The following ABCA10 variants were observed in gnomAD, a reference collection of about 807,000 sequenced individuals.
ABCA10 encodes the protein ATP-binding cassette sub-family A member 10.
ABCA10 carries 169 observed loss-of-function variants against 187.5 expected under a neutral mutation model. That is an observed-to-expected ratio of 0.90 (90% CI 0.80 to 1.02). The LOEUF (loss-of-function observed/expected upper bound fraction) is 1.02. Ranked by LOEUF, ABCA10 falls within the 50% of genes least tolerant of loss-of-function variation. ABCA10 has a pLI of 0.00. For synonymous variants in ABCA10, 574 were observed against 601.8 expected (o/e 0.95, Z 0.68); for missense variants, 1,727 against 1,812.4 (o/e 0.95, Z 0.86).
chr17:69,166,882 C>T (rs935681368), intron 25 of ABCA10, among the ~76,000 whole-genome samples: 1 of 152,122 alleles, frequency 6.6e-6, no homozygotes, highest in African/African-American at 2.4e-5. Context: ...TAGTAGAAAA[C>T]AGAATCAAGC....
At chr17:69,204,883 C>G (rs2074579667) in intron 9 of ABCA10, among the ~76,000 whole-genome samples, 1 of 152,224 alleles carries the variant, frequency 6.6e-6, no homozygotes, top group Non-Finnish European at 1.5e-5. Context: ...AATCCCAGCA[C>G]TTTGGGAGAC....
intron 3 of ABCA10, 57 bp from the exon 4 acceptor site, chr17:69,222,754 C>A (rs2074760731): frequency 5.6e-6 from 8 of 1,428,980 alleles, no homozygotes; most frequent in African/African-American, 1.5e-5. Flanking sequence ...CTAGAGGACA[C>A]AAAAACAAAA....
intron 23 of ABCA10, among the ~76,000 whole-genome samples, chr17:69,175,099 T>C (rs1022742407): frequency 2.0e-5 from 3 of 152,150 alleles, no homozygotes; most frequent in African/African-American, 7.2e-5. Context: ...CATGCTATAG[T>C]TAAAAATCTA....
chr17:69,187,751 G>A lies in ABCA10; in HGVS notation c.2260C>T (p.Arg754Ter), dbSNP rs190646470. 227 of 1,613,816 alleles carry A rather than the reference G, an allele frequency of 1.4e-4. No individual in the cohort carries two copies. The East Asian group carries it at 4.1e-3, about 29-fold the overall frequency. The change falls in exon 19 of 39, where the codon CGA becomes TGA. Residue 754 changes from arginine to a stop codon, truncating the protein, a stop_gained. Coordinates refer to ENST00000690296, the MANE Select transcript of ABCA10 (RefSeq NM_001377321.1). LOFTEE classifies it high-confidence loss of function. ...AGTGTTGCCACTGCATAGATTTGTC[G>A]TCTCCAGAGAGCTGCACTACTGACA... ...KAVSSAALWR[R>*]QIYAVATLRF...
intron 20 of ABCA10, 94 bp from the exon 21 acceptor site, chr17:69,182,902 A>G: frequency 6.9e-7 from 1 of 1,458,920 alleles, no homozygotes; most frequent in Non-Finnish European, 9.2e-7. Flanking sequence ...CAATCGTGTT[A>G]AGAAAAACCC....
In ABCA10 at chr17:69,216,295, G is replaced by T; in HGVS notation, c.594C>A (p.Val198=). 3 of 1,613,392 alleles carry T rather than the reference G, an allele frequency of 1.9e-6. No individual in the cohort carries two copies. The South Asian group carries it at 3.3e-5, about 18-fold the overall frequency. The part of the protein sequence containing the change: ...IFIMSIFMAL[V]ITSIPIVFHT... ...GAAATACAATTGGGATTGATGTTAT[G>T]ACCAGAGCCATAAAAATGGACATAA... The change falls in exon 7 of 39, where the codon GTC becomes GTA. Residue 198 remains valine (V), a synonymous_variant. Transcript: ENST00000690296.
intron 9 of ABCA10, among the ~76,000 whole-genome samples, chr17:69,213,743 T>C (rs1195868049): frequency 6.6e-6 from 1 of 152,146 alleles, no homozygotes; most frequent in Non-Finnish European, 1.5e-5. Flanking sequence ...AGTACCTACA[T>C]TTCCTGTTCA....
At chr17:69,174,559 T>C (rs759205776) in intron 24 of ABCA10, 48 bp downstream of exon 24, 2 of 1,504,360 alleles carry the variant, frequency 1.3e-6, no homozygotes, top group East Asian at 2.3e-5. Flanking sequence ...TGAATTTTCA[T>C]TTTGATTCTA....
At chr17:69,244,629 G>A (rs1057022606) in exon 1 of ABCA10, 1 of 151,386 alleles carries the variant, frequency 6.6e-6, no homozygotes, top group South Asian at 2.1e-4. Context: ...ATCAATGTTA[G>A]CAAATTAAAA....
intron 1 of ABCA10, among the ~76,000 whole-genome samples, chr17:69,242,665 T>C (rs2074911129): frequency 6.6e-6 from 1 of 152,146 alleles, no homozygotes; most frequent in African/African-American, 2.4e-5. Context: ...GGTTTCACCA[T>C]GTTGGCCAGA....
In ABCA10 at chr17:69,185,268, A is replaced by C. The variant is rs9675283; in HGVS notation, c.2497+209T>G. On this transcript the variant is annotated intron_variant, in intron 20 of 38. Coordinates refer to ENST00000690296, the MANE Select transcript of ABCA10 (RefSeq NM_001377321.1). ...TTAAAGAACTTATACATGTAACCAA[A>C]CACCACCTGTTTTCCACAAACCTAT... Among the ~76,000 whole-genome samples the C allele has an allele frequency of 3.8e-3, 583 of 152,262 alleles. 5 individuals carry two copies. Among genetic ancestry groups the C allele is most frequent in the African/African-American group, 0.014 (562 of 41,556 alleles).
At chr17:69,217,025 T>C (rs559470306) in intron 6 of ABCA10, among the ~76,000 whole-genome samples, 3 of 152,222 alleles carry the variant, frequency 2.0e-5, no homozygotes, top group African/African-American at 4.8e-5. Flanking sequence ...GGCAGGTGGA[T>C]TGCCTGAGTC....
chr17:69,148,783 C>T lies in ABCA10; in HGVS notation c.*44G>A, dbSNP rs768838179. ...ATTCTTGTAGAATTATGGAAACTAA[C>T]AATGTAGTAGGACCTAAAATTGAAT... On this transcript the variant is annotated 3_prime_UTR_variant, in exon 39 of 39. Transcript: ENST00000690296. 3 of 1,452,106 alleles carry T rather than the reference C, an allele frequency of 2.1e-6. No homozygotes were observed. Among genetic ancestry groups the T allele is most frequent in the Non-Finnish European group, 2.9e-6 (3 of 1,046,880 alleles). The allele number at this position is 1,452,106 out of a possible 1,614,324, so 90.0% of individuals were successfully genotyped here. A position where few individuals can be genotyped will look rare whatever the true frequency, so the allele number is the denominator to read the frequency against.
chr17:69,217,707 T>C (rs1321515154), intron 6 of ABCA10, among the ~76,000 whole-genome samples: 1 of 152,188 alleles, frequency 6.6e-6, no homozygotes, highest in Non-Finnish European at 1.5e-5. Flanking sequence ...AGGGATAATA[T>C]ACAAGAAGTG....
chr17:69,204,162 A>G lies in ABCA10; in HGVS notation c.1007-2494T>C, dbSNP rs1180968467. 5.9e-5 allele frequency among the ~76,000 whole-genome samples: 9 copies of G among 152,200 alleles called. 1 individual carries two copies. The highest frequency in any genetic ancestry group is 5.9e-4 in the Admixed American group (9 of 15,280). On this transcript the variant is annotated intron_variant, in intron 9 of 38. Transcript: ENST00000690296. ...TGTCCTGTGCCATGTACATTTGGAA[A>G]AATCTCCCGGTAATTATTGTAAACT...
At chr17:69,211,114 A>G (rs1196478984) in intron 9 of ABCA10, among the ~76,000 whole-genome samples, 1 of 150,894 alleles carries the variant, frequency 6.6e-6, no homozygotes, top group African/African-American at 2.4e-5. Flanking sequence ...TTGATCCAGC[A>G]ATCCTACTAC....
intron 9 of ABCA10, among the ~76,000 whole-genome samples, chr17:69,203,875 GAT>G (rs1433033451): frequency 2.7e-4 from 41 of 152,278 alleles, no homozygotes; most frequent in African/African-American, 8.9e-4. Flanking sequence ...ACAAAATACA[GAT>G]AGAGAAAAGC....
At chr17:69,149,567 C>T (rs1489472810) in intron 37 of ABCA10, among the ~76,000 whole-genome samples, 1 of 152,138 alleles carries the variant, frequency 6.6e-6, no homozygotes, top group African/African-American at 2.4e-5. Flanking sequence ...TTCACTCAGT[C>T]CTCCAACTGT....
upstream of ABCA10, among the ~76,000 whole-genome samples, chr17:69,230,443 C>T (rs920967074): frequency 1.3e-5 from 2 of 152,040 alleles, no homozygotes; most frequent in South Asian, 4.1e-4. Flanking sequence ...ATATAAAATC[C>T]TCAGGTCTCT....
Sources: gnomAD v4.1 joint callset for allele counts (sites outside exome capture counted in the v4.1 genomes callset) on GRCh38, gnomAD v4.1.1 for gene constraint, MANE v1.5 for transcripts, NCBI Gene and HGNC (gene_info 2026-07-23, HGNC 2026-07-21) for gene names.